The following CSMD1 variants were observed in gnomAD, a reference collection of about 807,000 sequenced individuals.
CSMD1 encodes CUB and sushi domain-containing protein 1.
CSMD1 carries 213 observed loss-of-function variants against 417.5 expected under a neutral mutation model. That is an observed-to-expected ratio of 0.51 (90% CI 0.46 to 0.57). The LOEUF is 0.57. Among genes scored for constraint, CSMD1 ranks in the 20% least tolerant of loss-of-function variants. CSMD1 has a pLI of 0.00. For synonymous variants in CSMD1, 2,862 were observed against 1,736.8 expected (o/e 1.65, Z -16.11); for missense variants, 6,923 against 4,529.7 (o/e 1.53, Z -15.17).
rs148378565 is a variant in CSMD1 at position 4,158,812 on chromosome 8, G to A, written c.416-126713C>T. ...TAGAACTTTCCCAAGTTTATCATAT[G>A]GGATGATGTAGAATCCAATAATAGG... On this transcript the variant is annotated intron_variant, in intron 3 of 69. Transcript: ENST00000635120. Among the ~76,000 whole-genome samples the A allele has an allele frequency of 1.5e-3, 236 of 152,278 alleles. 2 individuals are homozygous for A. Among genetic ancestry groups the A allele is most frequent in the Middle Eastern group, 6.8e-3 (2 of 294 alleles).
intron 1 of CSMD1, among the ~76,000 whole-genome samples, chr8:4,782,143 T>C (rs1012964559): frequency 6.6e-6 from 1 of 152,178 alleles, no homozygotes; most frequent in African/African-American, 2.4e-5. Context: ...GAGAGGTTGC[T>C]CAATGGGTAC....
intron 1 of CSMD1, among the ~76,000 whole-genome samples, chr8:4,728,020 TA>T (rs1285780000): frequency 3.4e-5 from 5 of 146,154 alleles, no homozygotes; most frequent in East Asian, 2.0e-4. Context: ...AATATATATA[TA>T]TTTTTTCTAT....
chr8:4,840,689 G>A (rs1225510907), intron 1 of CSMD1, among the ~76,000 whole-genome samples: 2 of 152,166 alleles, frequency 1.3e-5, no homozygotes, highest in South Asian at 2.1e-4. Flanking sequence ...ATTACTCAGT[G>A]CCTGCAAGAG....
chr8:3,188,741 AT>A, intron 35 of CSMD1, 145 bp downstream of exon 35: 1 of 533,360 alleles, frequency 1.9e-6, no homozygotes, highest in Non-Finnish European at 3.0e-6. Context: ...AGTATAGTCT[AT>A]GTATTTAAAA....
At chr8:3,372,240 G>C (rs1313409486) in intron 18 of CSMD1, among the ~76,000 whole-genome samples, 1 of 152,184 alleles carries the variant, frequency 6.6e-6, no homozygotes, top group Admixed American at 6.5e-5. Flanking sequence ...AATTTGGGTA[G>C]AGAGAAAGTG....
At chr8:4,926,867 C>A (rs760345484) in intron 1 of CSMD1, among the ~76,000 whole-genome samples, 51 of 152,200 alleles carry the variant, frequency 3.4e-4, no homozygotes, top group Middle Eastern at 3.4e-3. Context: ...GAACTTTAAG[C>A]TCTTTCCAGA....
chr8:4,325,848 A>G (rs1031702118), intron 3 of CSMD1, among the ~76,000 whole-genome samples: 9 of 152,094 alleles, frequency 5.9e-5, no homozygotes, highest in African/African-American at 2.2e-4. Context: ...AGCTTATTCC[A>G]CCTGATGGCT....
chr8:3,781,356 G>C (rs966433372), intron 5 of CSMD1, among the ~76,000 whole-genome samples: 4 of 152,030 alleles, frequency 2.6e-5, no homozygotes, highest in Non-Finnish European at 5.9e-5. Flanking sequence ...CGGAGTCTAG[G>C]GTCAGGTCAA....
In CSMD1 at chr8:3,052,471, T is replaced by C. The variant is rs573094142; in HGVS notation, c.7651A>G (p.Thr2551Ala). ...GCCCCTGAACACTTACGCTTACACG[T>C]GGGCGGCTTCCCCTTGTTACTCCAC... is the stretch of plus-strand genomic sequence containing the variant. ...GLWSNKGKPP[T>A]CKPVACPSIE... The change falls in exon 50 of 70, where the codon ACG becomes GCG. Residue 2551 changes from threonine to alanine, a missense_variant. Coordinates refer to ENST00000635120, the MANE Select transcript of CSMD1 (RefSeq NM_033225.6). The C allele has an allele frequency of 1.3e-6, 2 of 1,576,764 alleles. No individual in the cohort carries two copies. Among genetic ancestry groups the C allele is most frequent in the Non-Finnish European group, 1.7e-6 (2 of 1,160,418 alleles).
At chr8:4,846,958 A>T (rs1440926944) in intron 1 of CSMD1, among the ~76,000 whole-genome samples, 1 of 152,146 alleles carries the variant, frequency 6.6e-6, no homozygotes, top group Non-Finnish European at 1.5e-5. Context: ...AAGATTATGT[A>T]GTGATTTTTT....
chr8:4,051,054 C>G (rs1023108210), intron 3 of CSMD1, among the ~76,000 whole-genome samples: 3 of 152,062 alleles, frequency 2.0e-5, no homozygotes, highest in South Asian at 2.1e-4. Context: ...GAAATCCTCT[C>G]TGGCTTTGTT....
At position 3,108,685 on chromosome 8, in the gene CSMD1, C is replaced by T. The variant is rs1310638522; in HGVS notation, c.6672G>A (p.Thr2224=). ...GGACTTGGTTGGTGGAGCTATACGCCGTTTCGAGGGCTGTGTTGCCACTGA... is the reference window on the plus strand; with the variant it reads ...GGACTTGGTTGGTGGAGCTATACGCTGTTTCGAGGGCTGTGTTGCCACTGA... The part of the protein sequence containing the change: ...GVFSGNTALE[T]AYSSTNQVLL... Residue 2224 remains threonine (T), a synonymous_variant, in exon 44 of 70, where the codon ACG becomes ACA. Transcript: ENST00000635120. The T allele has an allele frequency of 6.8e-6, 11 of 1,613,620 alleles. No individual in the cohort carries two copies. Among genetic ancestry groups the T allele is most frequent in the Admixed American group, 1.7e-5 (1 of 59,986 alleles).
intron 2 of CSMD1, among the ~76,000 whole-genome samples, chr8:4,427,442 G>A (rs932848698): frequency 2.0e-5 from 3 of 151,712 alleles, no homozygotes; most frequent in Non-Finnish European, 4.4e-5. Flanking sequence ...TACCATCCGG[G>A]GAAGATGCAA....
intron 68 of CSMD1, among the ~76,000 whole-genome samples, chr8:2,945,963 A>G (rs1036279876): frequency 2.0e-5 from 3 of 152,148 alleles, no homozygotes; most frequent in African/African-American, 4.8e-5. Context: ...GCAACACTTC[A>G]TGTTGGGGAT....
intron 1 of CSMD1, among the ~76,000 whole-genome samples, chr8:4,683,745 AC>A (rs1350896872): frequency 6.6e-6 from 1 of 152,164 alleles, no homozygotes; most frequent in Non-Finnish European, 1.5e-5. Context: ...CCATTTTTGC[AC>A]AATTAGCTCA....
intron 3 of CSMD1, among the ~76,000 whole-genome samples, chr8:4,283,024 A>T (rs545869073): frequency 6.6e-6 from 1 of 152,236 alleles, no homozygotes; most frequent in East Asian, 1.9e-4. Context: ...CCCTTTGATT[A>T]TATTTTCATT....
At chr8:4,017,836 G>A (rs981000620) in intron 4 of CSMD1, among the ~76,000 whole-genome samples, 7 of 152,076 alleles carry the variant, frequency 4.6e-5, no homozygotes, top group African/African-American at 1.5e-4. Context: ...AGCTGTTTGG[G>A]TGACTGTATA....
rs1585559215 is a variant in CSMD1, at chr8:3,175,613, A to G, written c.5725+5497T>C. On this transcript the variant is annotated intron_variant, in intron 37 of 69. Coordinates refer to ENST00000635120, the MANE Select transcript of CSMD1 (RefSeq NM_033225.6). ...TCCTCCCTCCCTCCCTCCCTTCCTGAGGTTGCCTTTGCCATGGGTTTCATG... is the reference window on the plus strand; with the variant it reads ...TCCTCCCTCCCTCCCTCCCTTCCTGGGGTTGCCTTTGCCATGGGTTTCATG... Among the ~76,000 whole-genome samples, 4 of 126,012 alleles carry G rather than the reference A, an allele frequency of 3.2e-5. No individual in the cohort carries two copies. The East Asian group carries it at 9.7e-4, about 31-fold the overall frequency. The allele number at this position is 126,012 out of a possible 152,430, so 82.7% of individuals were successfully genotyped here.
intron 49 of CSMD1, among the ~76,000 whole-genome samples, chr8:3,081,287 C>T (rs1814079159): frequency 6.6e-6 from 1 of 152,060 alleles, no homozygotes; most frequent in African/African-American, 2.4e-5. Flanking sequence ...GTCCTTTATG[C>T]ATTCAGGAAG....
Sources: gnomAD v4.1 joint callset for allele counts (sites outside exome capture counted in the v4.1 genomes callset) on GRCh38, gnomAD v4.1.1 for gene constraint, MANE v1.5 for transcripts, NCBI Gene and HGNC (gene_info 2026-07-23, HGNC 2026-07-21) for gene names.